MPP4: variants seen among roughly 807,000 people sequenced by gnomAD.
MPP4 encodes MAGUK p55 subfamily member 4.
In MPP4, 91 loss-of-function variants were observed where a neutral mutation model predicts 98.3. The observed-to-expected ratio is 0.93, with a 90% CI of 0.78 to 1.10. MPP4 has a LOEUF of 1.10. Ranked by LOEUF, MPP4 falls within the 50% of genes least tolerant of loss-of-function variation. MPP4 has a pLI of 0.00. For synonymous variants in MPP4, 261 were observed against 271.8 expected, an observed-to-expected ratio of 0.96 and a Z score of 0.39; for missense variants, 744 against 792.9, an observed-to-expected ratio of 0.94 and a Z score of 0.74.
At chr2:201,671,241 G>T (rs901359745) in intron 11 of MPP4, among the ~76,000 whole-genome samples, 2 of 152,100 alleles carry the variant, frequency 1.3e-5, no homozygotes, top group African/African-American at 2.4e-5. Flanking sequence ...CTGGAAAAGG[G>T]GCTGAAGCCA....
intron 12 of MPP4, among the ~76,000 whole-genome samples, chr2:201,669,121 T>TGTGA (rs1040993409): frequency 2.0e-5 from 2 of 100,694 alleles, no homozygotes; most frequent in African/African-American, 6.7e-5. Flanking sequence ...TGTGTGTGTG[T>TGTGA]GAGAGAGAGA....
At position 201,682,824 on chromosome 2, in the gene MPP4, G is replaced by T; in HGVS notation, c.660+7C>A. On this transcript the variant is annotated splice_region_variant and intron_variant, in intron 8 of 21. Coordinates refer to ENST00000409474, the MANE Select transcript of MPP4 (RefSeq NM_033066.3). ...GTCATTAACAAAAAGGCAAAAAGAA[G>T]ATTTACCAGAATATGGATCACTTGT... 6.2e-7 allele frequency: 1 copy of T among 1,612,938 alleles called. No individual in the cohort carries two copies. The highest frequency in any genetic ancestry group is 8.5e-7 in the Non-Finnish European group (1 of 1,179,148).
intron 5 of MPP4, 98 bp downstream of exon 5, chr2:201,687,193 C>T (rs565683107): frequency 1.4e-4 from 138 of 993,498 alleles, no homozygotes; most frequent in Middle Eastern, 6.2e-4. Context: ...AATAGAACAT[C>T]TATTCAGAGA....
rs375169984 is a variant in MPP4 at position 201,671,130 on chromosome 2, G to A, written c.995-1380C>T. Reference sequence around the variant, plus strand: ...GTGGGTTTCAAGCACAAAACTGGGCGGCCGTTTGGGCAGACACTGAGCTAG... The same window carrying A: ...GTGGGTTTCAAGCACAAAACTGGGCAGCCGTTTGGGCAGACACTGAGCTAG... On this transcript the variant is annotated intron_variant, in intron 11 of 21. Coordinates refer to ENST00000409474, the MANE Select transcript of MPP4 (RefSeq NM_033066.3). 9.2e-4 allele frequency among the ~76,000 whole-genome samples: 140 copies of A among 151,996 alleles called. 1 individual carries two copies. The highest frequency in any genetic ancestry group is 3.2e-3 in the African/African-American group (135 of 41,554).
chr2:201,681,137 C>T (rs1688654523), intron 9 of MPP4, 103 bp from the exon 10 acceptor site: 4 of 1,147,166 alleles, frequency 3.5e-6, no homozygotes, highest in Non-Finnish European at 4.9e-6. Context: ...TTCTCCCACT[C>T]CTCCACCTGC....
chr2:201,669,733 C>G lies in MPP4; in HGVS notation c.1012G>C (p.Glu338Gln). The G allele has an allele frequency of 6.9e-7, 1 of 1,444,180 alleles. No homozygotes were observed. Among genetic ancestry groups the G allele is most frequent in the Non-Finnish European group, 9.2e-7 (1 of 1,085,742 alleles). The allele number at this position is 1,444,180 out of a possible 1,614,324, so 89.5% of individuals were successfully genotyped here. The stretch of plus-strand genomic sequence containing the variant: ...TTTTTTCCTAAATACTATTTCTTAC[C>G]TTCTTCCATAGAAATTGCTGAGTAC... ...KSTLSISMEE[E>Q]DDMKIDEKCV... The change falls in exon 12 of 22, where the codon GAA becomes CAA. Residue 338 changes from glutamate to glutamine, a missense_variant and splice_region_variant. Transcript: ENST00000409474.
chr2:201,651,924 G>T, intron 18 of MPP4: 1 of 707,662 alleles, frequency 1.4e-6, no homozygotes, highest in Non-Finnish European at 1.7e-6. Context: ...CGGCACTCCA[G>T]CCTGGGCAAT....
intron 14 of MPP4, among the ~76,000 whole-genome samples, chr2:201,661,299 G>C (rs1688018446): frequency 6.6e-6 from 1 of 151,450 alleles, no homozygotes. Context: ...ATTCAAGGAA[G>C]TCATACTATA....
intron 3 of MPP4, among the ~76,000 whole-genome samples, chr2:201,690,629 G>A (rs1688987561): frequency 6.6e-6 from 1 of 152,184 alleles, no homozygotes; most frequent in Admixed American, 6.5e-5. Context: ...GCATAAAGGA[G>A]CGTCTTAAAG....
intron 14 of MPP4, among the ~76,000 whole-genome samples, chr2:201,661,156 A>C (rs1232246082): frequency 6.6e-6 from 1 of 150,872 alleles, no homozygotes; most frequent in African/African-American, 2.4e-5. Context: ...CCTGACCTCA[A>C]GTGATCTGCC....
In MPP4 at chr2:201,694,046, C is replaced by G. The variant is rs528922050; in HGVS notation, c.-92G>C. On this transcript the variant is annotated 5_prime_UTR_variant, in exon 2 of 22. Coordinates refer to ENST00000409474, the MANE Select transcript of MPP4 (RefSeq NM_033066.3). The stretch of plus-strand genomic sequence containing the variant: ...CACTCAGTCCCACTGGCCACCAGCT[C>G]TCAGCACACTGGAATATATTTTCAA... 100 of 1,611,030 alleles carry G rather than the reference C, an allele frequency of 6.2e-5. No homozygotes were observed. Among genetic ancestry groups the G allele is most frequent in the Middle Eastern group, 5.5e-4 (3 of 5,444 alleles).
chr2:201,648,079 G>A (rs1272356138), intron 20 of MPP4, among the ~76,000 whole-genome samples: 1 of 152,184 alleles, frequency 6.6e-6, no homozygotes, highest in Non-Finnish European at 1.5e-5. Flanking sequence ...CTGGAGCGCA[G>A]GGGTGGGATC....
intron 8 of MPP4, among the ~76,000 whole-genome samples, chr2:201,681,829 C>G (rs561835277): frequency 4.0e-5 from 6 of 151,296 alleles, no homozygotes; most frequent in Non-Finnish European, 7.4e-5. Flanking sequence ...GACCCCCCCC[C>G]ACCCTACACT....
At chr2:201,683,042 A>G in intron 7 of MPP4, 126 bp from the exon 8 acceptor site, 2 of 638,998 alleles carry the variant, frequency 3.1e-6, no homozygotes, top group South Asian at 4.4e-5. Flanking sequence ...ATATAAAATA[A>G]TAATAGAAAA....
At chr2:201,689,960 G>T (rs368162190) in intron 4 of MPP4, among the ~76,000 whole-genome samples, 1 of 152,094 alleles carries the variant, frequency 6.6e-6, no homozygotes, top group Admixed American at 6.5e-5. Flanking sequence ...ACGAGACTTA[G>T]GAAAAAAGAA....
chr2:201,677,795 T>C (rs1399160021), intron 10 of MPP4, among the ~76,000 whole-genome samples: 1 of 152,130 alleles, frequency 6.6e-6, no homozygotes, highest in East Asian at 1.9e-4. Flanking sequence ...CATAGCAAAG[T>C]TGGAGAGGTA....
intron 12 of MPP4, among the ~76,000 whole-genome samples, chr2:201,667,692 A>G (rs1310010302): frequency 1.3e-5 from 2 of 152,234 alleles, no homozygotes; most frequent in African/African-American, 4.8e-5. Flanking sequence ...AATGAAGCTT[A>G]TACATGTTCC....
At chr2:201,675,942 C>G (rs1488520622) in intron 10 of MPP4, among the ~76,000 whole-genome samples, 1 of 152,222 alleles carries the variant, frequency 6.6e-6, no homozygotes, top group East Asian at 1.9e-4. Context: ...CCCAGAACTG[C>G]AGCATCACCT....
At chr2:201,652,454 G>A (rs562449883) in intron 18 of MPP4, among the ~76,000 whole-genome samples, 254 of 152,196 alleles carry the variant, frequency 1.7e-3, no homozygotes, top group East Asian at 7.7e-4. Flanking sequence ...GCAAGACTCC[G>A]TCTTAAAACA....
Sources: allele counts gnomAD v4.1 joint callset (sites outside exome capture counted in the v4.1 genomes callset), GRCh38; gene constraint gnomAD v4.1.1; transcripts MANE v1.5; gene names NCBI Gene and HGNC (gene_info 2026-07-23, HGNC 2026-07-21).